Variants in SLX9 observed in about 807,000 individuals in gnomAD.
SLX9 encodes SLX9 ribosome biogenesis factor, also known as ribosome biogenesis protein SLX9 homolog.
In SLX9, 19 loss-of-function variants were observed where a neutral mutation model predicts 20.8. The ratio of observed to expected loss-of-function variants is 0.91; its 90% CI spans 0.64 to 1.34. SLX9 has a LOEUF of 1.34. SLX9 is among the 40% of genes most tolerant of loss of function. SLX9 has a pLI of 0.00. For missense variants in SLX9, 299 were observed against 322.2 expected, an observed-to-expected ratio of 0.93 and a Z score of 0.55; for synonymous variants, 113 against 137.1, an observed-to-expected ratio of 0.82 and a Z score of 1.23.
chr21:44,942,935 A>G (rs1333768811), intron 1 of SLX9, among the ~76,000 whole-genome samples: 2 of 152,094 alleles, frequency 1.3e-5, no homozygotes, highest in Non-Finnish European at 2.9e-5. Context: ...TTCAGGAAAA[A>G]CAGGGAGGGG....
At chr21:44,970,014 C>G (rs538229955) in intron 4 of SLX9, among the ~76,000 whole-genome samples, 1 of 152,166 alleles carries the variant, frequency 6.6e-6, no homozygotes, top group Non-Finnish European at 1.5e-5. Flanking sequence ...CCCCCAGAGG[C>G]GAAGTGCCAC....
At chr21:44,962,884 G>A (rs551125307) in intron 3 of SLX9, among the ~76,000 whole-genome samples, 7 of 152,030 alleles carry the variant, frequency 4.6e-5, no homozygotes, top group Non-Finnish European at 7.4e-5. Flanking sequence ...TCTCACGGTG[G>A]TACTCATTTC....
chr21:44,946,211 GA>G (rs1260339901), intron 2 of SLX9, among the ~76,000 whole-genome samples: 1 of 152,092 alleles, frequency 6.6e-6, no homozygotes, highest in Non-Finnish European at 1.5e-5. Context: ...AAAATTTGAA[GA>G]TTCTATTGTT....
Position 44,940,101 on chromosome 21 carries a change from C to T in SLX9, c.44C>T (p.Ala15Val). ...TTGCGCGCCCGAGTGCACCAGGCTG[C>T]CGTGAGGCCGAAAGGGGAGGCCGCC... ...RGLRARVHQA[A>V]VRPKGEAAPG... The change falls in exon 1 of 6, where the codon GCC (alanine) becomes GTC (valine). Residue 15 changes from alanine (A) to valine (V), a missense_variant. Transcript: ENST00000291634. 16 of 1,431,610 alleles carry T rather than the reference C, an allele frequency of 1.1e-5. No individual in the cohort carries two copies. Among genetic ancestry groups the T allele is most frequent in the Non-Finnish European group, 1.4e-5 (15 of 1,087,378 alleles). The allele number at this position is 1,431,610 out of a possible 1,614,324, so 88.7% of individuals were successfully genotyped here.
chr21:44,959,072 G>A lies in SLX9; in HGVS notation c.284-1028G>A, dbSNP rs116382497. The A allele has an allele frequency of 6.8e-3, 1,966 of 289,110 alleles. 39 individuals are homozygous for A. The highest frequency in any genetic ancestry group is 0.041 in the African/African-American group (1,801 of 43,960). The allele number at this position is 289,110 out of a possible 1,614,324, so 17.9% of individuals were successfully genotyped here. ...TATGGAGGAAAGTAGGTCAACCCAG[G>A]CACACCAGGAAGCTGTGGGAGGGGA... On this transcript the variant is annotated intron_variant, in intron 2 of 5. Coordinates refer to ENST00000291634, the MANE Select transcript of SLX9 (RefSeq NM_058190.4).
intron 3 of SLX9, among the ~76,000 whole-genome samples, chr21:44,966,818 C>T (rs1189784244): frequency 1.3e-5 from 2 of 152,244 alleles, no homozygotes; most frequent in East Asian, 3.8e-4. Flanking sequence ...CATTGTCAGC[C>T]CTGCGATTAA....
intron 4 of SLX9, chr21:44,969,303 C>T (rs536431818): frequency 1.4e-5 from 6 of 434,596 alleles, no homozygotes; most frequent in African/African-American, 8.1e-5. Context: ...CCGAACATTC[C>T]TGGTTCTTGG....
At chr21:44,965,369 T>TCCCC (rs961992990) in intron 3 of SLX9, among the ~76,000 whole-genome samples, 4 of 152,218 alleles carry the variant, frequency 2.6e-5, no homozygotes, top group African/African-American at 9.6e-5. Context: ...GCTCCCTCCC[T>TCCCC]CCCCCTCAGA....
chr21:44,975,686 A>G (rs549639138), intron 5 of SLX9, among the ~76,000 whole-genome samples: 76 of 152,328 alleles, frequency 5.0e-4, no homozygotes, highest in African/African-American at 1.6e-3. Flanking sequence ...AGTAATGTCC[A>G]GGCTGTGACT....
In SLX9 at chr21:44,976,723, G is replaced by T; in HGVS notation, c.613G>T (p.Ala205Ser). ...TRFQELLASP[A>S]YRASPLVAIG... Reference sequence around the variant, plus strand: ...GTTTCAGGAGCTGCTGGCCAGTCCGGCCTACAGAGCCAGCCCCCTGGTGGC... The same window carrying T: ...GTTTCAGGAGCTGCTGGCCAGTCCGTCCTACAGAGCCAGCCCCCTGGTGGC... Residue 205 changes from alanine (A) to serine (S), a missense_variant, in exon 6 of 6, where the codon GCC (alanine) becomes TCC (serine). Physicochemically the swap from Ala to Ser is moderately conservative, Grantham distance 99. Transcript: ENST00000291634. 1 of 1,572,670 alleles carries T rather than the reference G, an allele frequency of 6.4e-7. No individual in the cohort carries two copies. The highest frequency in any genetic ancestry group is 1.2e-5 in the South Asian group (1 of 86,166).
chr21:44,966,161 C>T (rs968001631), intron 3 of SLX9, among the ~76,000 whole-genome samples: 3 of 152,022 alleles, frequency 2.0e-5, no homozygotes, highest in African/African-American at 7.2e-5. Flanking sequence ...AGGGTGGGCC[C>T]TTCACACCTT....
intron 2 of SLX9, among the ~76,000 whole-genome samples, chr21:44,955,226 GT>G (rs1465891221): frequency 7.6e-5 from 11 of 145,014 alleles, no homozygotes; most frequent in Non-Finnish European, 1.4e-4. Flanking sequence ...AAAAAAAGAA[GT>G]AAGAAAGCTT....
intron 2 of SLX9, among the ~76,000 whole-genome samples, chr21:44,958,615 A>C (rs2084900997): frequency 6.6e-6 from 1 of 152,210 alleles, no homozygotes; most frequent in Non-Finnish European, 1.5e-5. Flanking sequence ...GCCCATCCAG[A>C]GGCTAGAAGG....
chr21:44,976,657 A>C (rs747888096), intron 5 of SLX9, 23 bp from the exon 6 acceptor site: 2 of 1,574,590 alleles, frequency 1.3e-6, no homozygotes, highest in Admixed American at 1.8e-5. Context: ...CTGCCTGCTG[A>C]TCTGTGGTCT....
chr21:44,969,455 CGGGGCTCT>C (rs1041211840), intron 4 of SLX9, among the ~76,000 whole-genome samples: 3 of 152,214 alleles, frequency 2.0e-5, no homozygotes, highest in Non-Finnish European at 4.4e-5. Context: ...TGCCTCCCTG[CGGGGCTCT>C]GGGCCGGGAA....
intron 2 of SLX9, among the ~76,000 whole-genome samples, chr21:44,954,136 G>A (rs117922796): frequency 2.7e-3 from 411 of 152,278 alleles, no homozygotes; most frequent in Non-Finnish European, 4.2e-3. Flanking sequence ...GCTAACACTG[G>A]GGGTGGGTGT....
intron 2 of SLX9, among the ~76,000 whole-genome samples, chr21:44,948,312 A>G (rs1601379882): frequency 1.1e-5 from 1 of 90,310 alleles, no homozygotes; most frequent in Admixed American, 1.3e-4. Flanking sequence ...CGGTCCGGGG[A>G]GCTGGTCGTG....
At chr21:44,968,786 CTCT>C in intron 4 of SLX9, among the ~76,000 whole-genome samples, 1 of 145,036 alleles carries the variant, frequency 6.9e-6, no homozygotes, top group Non-Finnish European at 1.5e-5. Context: ...CGGAGCCTTG[CTCT>C]GTCCCCCAGG....
chr21:44,941,677 G>C (rs1471967391), intron 1 of SLX9, among the ~76,000 whole-genome samples: 1 of 152,184 alleles, frequency 6.6e-6, no homozygotes, highest in Non-Finnish European at 1.5e-5. Flanking sequence ...GTAGCTTACA[G>C]AGTCCCTCTG....
Sources: gnomAD v4.1 joint callset for allele counts (sites outside exome capture counted in the v4.1 genomes callset) on GRCh38, gnomAD v4.1.1 for gene constraint, MANE v1.5 for transcripts, NCBI Gene and HGNC (gene_info 2026-07-23, HGNC 2026-07-21) for gene names.